The following RASGEF1C variants were observed in gnomAD, a reference collection of about 807,000 sequenced individuals.
RASGEF1C encodes the protein RasGEF domain family member 1C.
RASGEF1C carries 27 observed loss-of-function variants against 58.1 expected under a neutral mutation model. The observed-to-expected ratio is 0.46, with a 90% CI of 0.34 to 0.64. The LOEUF (loss-of-function observed/expected upper bound fraction) is 0.64. RASGEF1C is among the 30% of genes least tolerant of loss of function. The pLI, the probability that RASGEF1C is intolerant of heterozygous loss-of-function variation, is 0.01. For missense variants in RASGEF1C, 502 were observed against 605.1 expected (o/e 0.83, Z 1.79); for synonymous variants, 243 against 246.3 (o/e 0.99, Z 0.13).
At chr5:180,130,050 A>G (rs1268141055) in intron 4 of RASGEF1C, among the ~76,000 whole-genome samples, 5 of 152,102 alleles carry the variant, frequency 3.3e-5, no homozygotes, top group Non-Finnish European at 7.4e-5. Flanking sequence ...CTTACTGCGC[A>G]CCCACTGTGT....
chr5:180,106,877 A>G (rs1220746664), intron 12 of RASGEF1C, among the ~76,000 whole-genome samples: 1 of 152,192 alleles, frequency 6.6e-6, no homozygotes, highest in Non-Finnish European at 1.5e-5. Flanking sequence ...GACATCTTCA[A>G]TTGTAATTGT....
At chr5:180,150,763 A>G (rs1766732920) in intron 1 of RASGEF1C, among the ~76,000 whole-genome samples, 1 of 152,188 alleles carries the variant, frequency 6.6e-6, no homozygotes, top group Non-Finnish European at 1.5e-5. Context: ...TTAGGAAAAA[A>G]GGAAGTCAAA....
chr5:180,191,535 T>C (rs1173958375), intron 1 of RASGEF1C, among the ~76,000 whole-genome samples: 1 of 152,010 alleles, frequency 6.6e-6, no homozygotes, highest in African/African-American at 2.4e-5. Context: ...TTTTTGTATA[T>C]TTAGTAGAGA....
intron 7 of RASGEF1C, 108 bp from the exon 8 acceptor site, chr5:180,119,556 G>A: frequency 1.3e-6 from 1 of 791,396 alleles, no homozygotes; most frequent in South Asian, 1.5e-5. Flanking sequence ...CCATTGCACA[G>A]CTGAGGCACT....
At chr5:180,127,174 C>T (rs1314648289) in intron 6 of RASGEF1C, among the ~76,000 whole-genome samples, 1 of 152,138 alleles carries the variant, frequency 6.6e-6, no homozygotes, top group African/African-American at 2.4e-5. Flanking sequence ...TTCCCTTACC[C>T]ATCCCGGGCA....
chr5:180,201,162 G>C (rs1280286552), intron 1 of RASGEF1C, among the ~76,000 whole-genome samples: 1 of 152,134 alleles, frequency 6.6e-6, no homozygotes, highest in Non-Finnish European at 1.5e-5. Flanking sequence ...CTGAGGGTGG[G>C]TGTCAGAGCA....
At chr5:180,145,679 T>A (rs1766652143) in intron 1 of RASGEF1C, among the ~76,000 whole-genome samples, 1 of 152,218 alleles carries the variant, frequency 6.6e-6, no homozygotes. Context: ...GAAAATTTAA[T>A]TCATAGAATT....
chr5:180,132,372 C>T (rs1379486225), intron 4 of RASGEF1C, among the ~76,000 whole-genome samples: 1 of 152,234 alleles, frequency 6.6e-6, no homozygotes, highest in Non-Finnish European at 1.5e-5. Flanking sequence ...CCTCCAAGCT[C>T]TCTTGGACTG....
chr5:180,188,282 A>G lies in RASGEF1C; in HGVS notation c.-7+20746T>C, dbSNP rs1458065999. Among the ~76,000 whole-genome samples the G allele has an allele frequency of 3.9e-5, 6 of 152,246 alleles. No individual in the cohort carries two copies. The East Asian group carries it at 9.6e-4, about 24-fold the overall frequency. ...TATATGAAATATCCAGAATAGGTAC[A>G]TACACAGGGAAAGAACACAGGCTGC... On this transcript the variant is annotated intron_variant, in intron 1 of 13. Transcript: ENST00000361132.
chr5:180,101,125 G>T lies in RASGEF1C; in HGVS notation c.*376C>A, dbSNP rs1022030616. 2.6e-4 allele frequency: 64 copies of T among 246,874 alleles called. No individual in the cohort carries two copies. The highest frequency in any genetic ancestry group is 1.4e-3 in the African/African-American group (61 of 45,000). 15.3% of individuals were successfully genotyped at this position (246,874 alleles called of 1,614,324 possible). A position where few individuals can be genotyped will look rare whatever the true frequency, so the allele number is the denominator to read the frequency against. On this transcript the variant is annotated 3_prime_UTR_variant, in exon 14 of 14. Transcript: ENST00000361132. ...CCAAGCCACGTGGTGACAGACTGTG[G>T]GTGGTGGCCAAAGTGGCACATGTCA...
chr5:180,186,661 T>C (rs1399943920), intron 1 of RASGEF1C, among the ~76,000 whole-genome samples: 4 of 152,208 alleles, frequency 2.6e-5, no homozygotes, highest in Non-Finnish European at 4.4e-5. Context: ...GCCTTTTTTT[T>C]CAGAAATCAA....
In RASGEF1C at chr5:180,198,534, C is replaced by G. The variant is rs1480074016; in HGVS notation, c.-7+10494G>C. 1.3e-5 allele frequency among the ~76,000 whole-genome samples: 2 copies of G among 152,200 alleles called. No individual in the cohort carries two copies. The highest frequency in any genetic ancestry group is 2.9e-5 in the Non-Finnish European group (2 of 68,036). The stretch of plus-strand genomic sequence containing the variant: ...CAGAGAAGTCCAAGATCAAGTTGCT[C>G]TCTGCTCCACAGAGGGTGCCTCCCT... On this transcript the variant is annotated intron_variant, in intron 1 of 13. Transcript: ENST00000361132. This position sits in a 1 kb window ranked among gnomAD's most constrained non-coding sequence, Gnocchi z 4.5.
chr5:180,136,741 T>G, intron 3 of RASGEF1C: 1 of 561,272 alleles, frequency 1.8e-6, no homozygotes, highest in East Asian at 3.1e-5. Flanking sequence ...CTTTCTGCGG[T>G]TGACGGCTCC....
In RASGEF1C at chr5:180,156,857, C is replaced by A. The variant is rs1298314901; in HGVS notation, c.-6-18799G>T. Among the ~76,000 whole-genome samples, 3 of 152,190 alleles carry A rather than the reference C, an allele frequency of 2.0e-5. No homozygotes were observed. In the East Asian group the frequency reaches 5.8e-4, roughly 29 times the overall value. On this transcript the variant is annotated intron_variant, in intron 1 of 13. Coordinates refer to ENST00000361132, the MANE Select transcript of RASGEF1C (RefSeq NM_175062.4). This position sits in a 1 kb window ranked among gnomAD's most constrained non-coding sequence, Gnocchi z 4.9. ...CAAACAACCTGATTAATAAAGGAGACAAAGACCTTAACAGGCACCTGACCA... is the reference window on the plus strand; with the variant it reads ...CAAACAACCTGATTAATAAAGGAGAAAAAGACCTTAACAGGCACCTGACCA...
intron 1 of RASGEF1C, among the ~76,000 whole-genome samples, chr5:180,194,200 CCT>C (rs1756222411): frequency 6.6e-6 from 1 of 152,108 alleles, no homozygotes; most frequent in Non-Finnish European, 1.5e-5. Context: ...GCTTGGCGCT[CCT>C]CTCTCTCCTC....
rs148797554 is a variant in RASGEF1C at position 180,116,739 on chromosome 5, A to T, written c.1083+1870T>A. 5.9e-5 allele frequency among the ~76,000 whole-genome samples: 9 copies of T among 152,340 alleles called. No individual in the cohort carries two copies. The East Asian group carries it at 1.7e-3, about 29-fold the overall frequency. The stretch of plus-strand genomic sequence containing the variant: ...GCCCAGGCCATGGCTGACGGCTCCC[A>T]GCCCAGCTCGGCACCAAGCTCCTGT... On this transcript the variant is annotated intron_variant, in intron 10 of 13. Transcript: ENST00000361132.
chr5:180,201,555 T>C (rs1362521744), intron 1 of RASGEF1C, among the ~76,000 whole-genome samples: 2 of 152,082 alleles, frequency 1.3e-5, no homozygotes, highest in African/African-American at 4.8e-5. Flanking sequence ...ATAATATCCA[T>C]ACAAAGCCAG....
At chr5:180,135,915 T>A (rs1766464250) in intron 4 of RASGEF1C, among the ~76,000 whole-genome samples, 1 of 152,240 alleles carries the variant, frequency 6.6e-6, no homozygotes, top group South Asian at 2.1e-4. Flanking sequence ...TCCTTGCTAC[T>A]GTTTTTTTGT....
At chr5:180,147,732 G>A (rs1173210034) in intron 1 of RASGEF1C, among the ~76,000 whole-genome samples, 1 of 152,112 alleles carries the variant, frequency 6.6e-6, no homozygotes, top group African/African-American at 2.4e-5. Context: ...GTTTATCCTG[G>A]AGAATATCCC....
Sources: gnomAD v4.1 joint callset for allele counts (sites outside exome capture counted in the v4.1 genomes callset) on GRCh38, gnomAD v4.1.1 for gene constraint, Gnocchi (gnomAD v3.1) non-coding constraint, MANE v1.5 for transcripts, NCBI Gene and HGNC (gene_info 2026-07-23, HGNC 2026-07-21) for gene names.